SYN3: variants seen among roughly 807,000 people sequenced by gnomAD.
The protein encoded by SYN3 is synapsin-3.
A neutral mutation model predicts 65.8 loss-of-function variants in SYN3; 35 were observed. The observed-to-expected ratio is 0.53, with a 90% CI of 0.41 to 0.70. SYN3 has a LOEUF of 0.70. Ranked by LOEUF, SYN3 falls within the 30% of genes least tolerant of loss-of-function variation. The pLI, the probability that SYN3 is intolerant of heterozygous loss-of-function variation, is 0.00. For synonymous variants in SYN3, 270 were observed against 292.9 expected, an observed-to-expected ratio of 0.92 and a Z score of 0.80; for missense variants, 680 against 749.0, an observed-to-expected ratio of 0.91 and a Z score of 1.08.
chr22:32,553,577 T>C (rs1256841273), intron 7 of SYN3, among the ~76,000 whole-genome samples: 1 of 152,204 alleles, frequency 6.6e-6, no homozygotes, highest in African/African-American at 2.4e-5. Context: ...AAGTGTGCTA[T>C]GAGAGACTGC....
At position 32,671,171 on chromosome 22, in the gene SYN3, G is replaced by A. The variant is rs79340732; in HGVS notation, c.712-74435C>T. On this transcript the variant is annotated intron_variant, in intron 6 of 13. Coordinates refer to ENST00000358763, the MANE Select transcript of SYN3 (RefSeq NM_003490.4). Reference sequence around the variant, plus strand: ...GTTTACAGAGGTTTTTGGGGTGCACGGGTTAGGGTGCTAGGGATCCTCACT... The same window carrying A: ...GTTTACAGAGGTTTTTGGGGTGCACAGGTTAGGGTGCTAGGGATCCTCACT... Among the ~76,000 whole-genome samples the A allele has an allele frequency of 1.5e-3, 234 of 152,074 alleles. 5 individuals carry two copies. In the East Asian group the frequency reaches 0.037, roughly 24 times the overall value.
At chr22:33,010,504 G>C (rs1483618964) in intron 1 of SYN3, among the ~76,000 whole-genome samples, 1 of 152,086 alleles carries the variant, frequency 6.6e-6, no homozygotes, top group Non-Finnish European at 1.5e-5. Flanking sequence ...GCCTACTTCT[G>C]GACTATGTTT....
At chr22:32,820,269 C>T (rs1020221042) in intron 6 of SYN3, among the ~76,000 whole-genome samples, 419 of 145,002 alleles carry the variant, frequency 2.9e-3, no homozygotes, top group African/African-American at 5.8e-3. Context: ...TGTGCGTGCG[C>T]GTGTGTGTGT....
At chr22:32,543,828 A>G (rs2858337) in intron 7 of SYN3, among the ~76,000 whole-genome samples, 91,387 of 152,134 alleles carry the variant, frequency 0.6, 27,583 homozygotes, top group East Asian at 0.78. Context: ...TTGCTCTGGC[A>G]GGGAATGTGA....
chr22:32,510,270 T>C lies in SYN3; in HGVS notation c.*3422A>G, dbSNP rs1354856265. On this transcript the variant is annotated 3_prime_UTR_variant, in exon 14 of 14. Coordinates refer to ENST00000358763, the MANE Select transcript of SYN3 (RefSeq NM_003490.4). The stretch of plus-strand genomic sequence containing the variant: ...TCAAAGTGCATTCAAAGTGGGGAGA[T>C]TGACAAAGATGCAGGTTCTGGGTCC... Among the ~76,000 whole-genome samples, 1 of 152,192 alleles carries C rather than the reference T, an allele frequency of 6.6e-6. No individual in the cohort carries two copies. Among genetic ancestry groups the C allele is most frequent in the African/African-American group, 2.4e-5 (1 of 41,450 alleles).
intron 6 of SYN3, among the ~76,000 whole-genome samples, chr22:32,630,773 A>C (rs1347176414): frequency 1.3e-5 from 2 of 152,188 alleles, no homozygotes; most frequent in African/African-American, 4.8e-5. Context: ...GTGGGTGTTC[A>C]CTGCTGTCAA....
At chr22:32,817,187 C>T (rs1012411151) in intron 6 of SYN3, among the ~76,000 whole-genome samples, 1 of 151,578 alleles carries the variant, frequency 6.6e-6, no homozygotes, top group African/African-American at 2.4e-5. Context: ...CACTGCACTC[C>T]AGCCAGGGTG....
chr22:32,965,795 C>T (rs761024447), intron 3 of SYN3, among the ~76,000 whole-genome samples: 5 of 151,976 alleles, frequency 3.3e-5, no homozygotes, highest in East Asian at 1.9e-4. Flanking sequence ...CCCGGGTTCG[C>T]GCCATTCTCC....
chr22:32,851,179 C>T (rs1037189204), intron 6 of SYN3, among the ~76,000 whole-genome samples: 4 of 152,104 alleles, frequency 2.6e-5, no homozygotes, highest in African/African-American at 7.2e-5. Context: ...GCAGACAGCG[C>T]GGGAATGCCA....
In SYN3 at chr22:32,544,773, G is replaced by A. The variant is rs2858338; in HGVS notation, c.775-3060C>T. Among the ~76,000 whole-genome samples, 924 of 152,296 alleles carry A rather than the reference G, an allele frequency of 6.1e-3. 9 individuals carry two copies. Among genetic ancestry groups the A allele is most frequent in the African/African-American group, 0.021 (891 of 41,540 alleles). ...GCCAAAATGAAAGAATCGGGTGAGC[G>A]TTTGCAGGGACGGCTTGTTTAACTC... On this transcript the variant is annotated intron_variant, in intron 7 of 13. Transcript: ENST00000358763.
At chr22:32,778,375 G>A (rs1291624603) in intron 6 of SYN3, among the ~76,000 whole-genome samples, 7 of 151,932 alleles carry the variant, frequency 4.6e-5, no homozygotes, top group Non-Finnish European at 8.8e-5. Context: ...CACAACCTCC[G>A]ACTTCCGAGT....
At chr22:32,813,512 C>G (rs1369669976) in intron 6 of SYN3, among the ~76,000 whole-genome samples, 2 of 147,218 alleles carry the variant, frequency 1.4e-5, no homozygotes, top group African/African-American at 5.4e-5. Context: ...CACACACACA[C>G]ACACACACAC....
intron 7 of SYN3, among the ~76,000 whole-genome samples, chr22:32,562,871 TG>T (rs999704489): frequency 3.9e-5 from 6 of 152,218 alleles, no homozygotes; most frequent in African/African-American, 1.2e-4. Flanking sequence ...CAGGCTTTCA[TG>T]GGAAGGACAC....
chr22:32,665,505 A>C (rs1339796033), intron 6 of SYN3, among the ~76,000 whole-genome samples: 3 of 144,494 alleles, frequency 2.1e-5, no homozygotes, highest in Admixed American at 6.7e-5. Flanking sequence ...ATATATATAT[A>C]TATATGTCTC....
intron 7 of SYN3, among the ~76,000 whole-genome samples, chr22:32,553,719 T>C (rs1270875833): frequency 6.6e-6 from 1 of 152,180 alleles, no homozygotes; most frequent in Non-Finnish European, 1.5e-5. Context: ...TTTTGGTAGA[T>C]AGGTCTGGTA....
chr22:32,560,206 C>T (rs534652011), intron 7 of SYN3, among the ~76,000 whole-genome samples: 1 of 152,372 alleles, frequency 6.6e-6, no homozygotes, highest in East Asian at 1.9e-4. Context: ...CCGACTGGCC[C>T]TCTTCCAAGT....
At chr22:32,723,354 C>G (rs144716980) in intron 6 of SYN3, among the ~76,000 whole-genome samples, 1 of 152,196 alleles carries the variant, frequency 6.6e-6, no homozygotes, top group South Asian at 2.1e-4. Context: ...GTGCTTAGAA[C>G]AGTGCAGGAA....
chr22:32,787,058 CTTTTTT>C (rs130552), intron 6 of SYN3, among the ~76,000 whole-genome samples: 1 of 130,106 alleles, frequency 7.7e-6, no homozygotes, highest in African/African-American at 2.9e-5. Flanking sequence ...CTTTTCTTTT[CTTTTTT>C]TTTTTTTTTT....
chr22:32,547,611 G>A (rs774531490), intron 7 of SYN3, among the ~76,000 whole-genome samples: 1 of 151,958 alleles, frequency 6.6e-6, no homozygotes, highest in African/African-American at 2.4e-5. Context: ...GTATGTGAGT[G>A]TGCATGCATG....
Sources: gnomAD v4.1 joint callset for allele counts (sites outside exome capture counted in the v4.1 genomes callset) on GRCh38, gnomAD v4.1.1 for gene constraint, MANE v1.5 for transcripts, NCBI Gene and HGNC (gene_info 2026-07-23, HGNC 2026-07-21) for gene names.